The following RSPH3 variants were observed in gnomAD, a reference collection of about 807,000 sequenced individuals.
RSPH3 encodes radial spoke head 3, also known as radial spoke head protein 3 homolog.
In RSPH3, 21 loss-of-function variants were observed where a neutral mutation model predicts 43.8. The observed-to-expected ratio is 0.48, with a 90% CI of 0.34 to 0.69. The LOEUF is 0.69. Among genes scored for constraint, RSPH3 ranks in the 30% least tolerant of loss-of-function variants. The pLI is 0.01. For missense variants in RSPH3, 487 were observed against 516.0 expected (o/e 0.94, Z 0.54); for synonymous variants, 173 against 179.8 (o/e 0.96, Z 0.30).
At position 158,976,572 on chromosome 6, in the gene RSPH3, T is replaced by G. The variant is rs1777846011; in HGVS notation, c.*966A>C. On this transcript the variant is annotated 3_prime_UTR_variant, in exon 8 of 8. Coordinates refer to ENST00000367069, the MANE Select transcript of RSPH3 (RefSeq NM_031924.8). ...AGGAATACCTCAAAAAAGGCCTAGA[T>G]AGCTCATACCTGATAACAGTGATCT... 1.3e-5 allele frequency: 2 copies of G among 152,196 alleles called. No individual in the cohort carries two copies. Among genetic ancestry groups the G allele is most frequent in the South Asian group, 4.1e-4 (2 of 4,838 alleles). 9.4% of individuals were successfully genotyped at this position (152,196 alleles called of 1,614,324 possible). A position where few individuals can be genotyped will look rare whatever the true frequency, so the allele number is the denominator to read the frequency against.
Position 158,980,941 on chromosome 6 carries a change from C to T in RSPH3, c.697-5G>A. ...CTGCTGTTTCTTACGCCGTTCCTGCCAAGAACGACAGAGGTGGTTATTTAG... is the reference window on the plus strand; with the variant it reads ...CTGCTGTTTCTTACGCCGTTCCTGCTAAGAACGACAGAGGTGGTTATTTAG... On this transcript the variant is annotated splice_region_variant and splice_polypyrimidine_tract_variant and intron_variant, in intron 5 of 7. Transcript: ENST00000367069. 5.0e-6 allele frequency: 8 copies of T among 1,613,728 alleles called. No individual in the cohort carries two copies. The highest frequency in any genetic ancestry group is 6.8e-6 in the Non-Finnish European group (8 of 1,179,716).
At position 158,977,041 on chromosome 6, in the gene RSPH3, C is replaced by T. The variant is rs12203076; in HGVS notation, c.*497G>A. ...GTTGGTCTGGCTGGTCTCAAACTCC[C>T]GACCTCAGGGGATCTGCCAGCCTCA... On this transcript the variant is annotated 3_prime_UTR_variant, in exon 8 of 8. Transcript: ENST00000367069. 0.016 allele frequency: 2,522 copies of T among 153,552 alleles called. 31 individuals carry two copies. Among genetic ancestry groups the T allele is most frequent in the Middle Eastern group, 0.024 (7 of 296 alleles). The allele number at this position is 153,552 out of a possible 1,614,324, so 9.5% of individuals were successfully genotyped here.
Position 158,977,391 on chromosome 6 carries a change from C to T in RSPH3, c.*147G>A, listed in dbSNP as rs1372703657. The T allele has an allele frequency of 4.8e-6, 3 of 622,544 alleles. No homozygotes were observed. The highest frequency in any genetic ancestry group is 8.2e-6 in the Non-Finnish European group (3 of 363,952). The allele number at this position is 622,544 out of a possible 1,614,324, so 38.6% of individuals were successfully genotyped here. A position where few individuals can be genotyped will look rare whatever the true frequency, so the allele number is the denominator to read the frequency against. On this transcript the variant is annotated 3_prime_UTR_variant, in exon 8 of 8. Coordinates refer to ENST00000367069, the MANE Select transcript of RSPH3 (RefSeq NM_031924.8). ...AGTTTCATTCTCAAATTAATTTTATCACATTTGATTGGCCCAGTCCATTAC... is the reference window on the plus strand; with the variant it reads ...AGTTTCATTCTCAAATTAATTTTATTACATTTGATTGGCCCAGTCCATTAC...
chr6:158,989,024 T>G lies in RSPH3; in HGVS notation c.205-2603A>C, dbSNP rs1356172964. 6.6e-6 allele frequency among the ~76,000 whole-genome samples: 1 copy of G among 152,108 alleles called. No individual in the cohort carries two copies. Among genetic ancestry groups the G allele is most frequent in the Non-Finnish European group, 1.5e-5 (1 of 68,022 alleles). ...TAATCTGTCTGGCTTGTTTTGCTTT[T>G]TATTGGATATATTTTCTTAGAGTTT... On this transcript the variant is annotated intron_variant, in intron 2 of 7. Coordinates refer to ENST00000367069, the MANE Select transcript of RSPH3 (RefSeq NM_031924.8). The surrounding 1 kb of genome is among the most constrained non-coding windows in gnomAD (Gnocchi z 4.3).
At chr6:158,964,683 G>T in the RSPH3 span, among the ~76,000 whole-genome samples, 11 of 152,004 alleles carry the variant, frequency 7.2e-5, no homozygotes, top group African/African-American at 2.7e-4. Flanking sequence ...TTTTATTGTC[G>T]AGTTGTAATT....
chr6:158,990,371 G>A (rs934525731), intron 2 of RSPH3: 3 of 152,104 alleles, frequency 2.0e-5, no homozygotes, highest in Admixed American at 1.3e-4. Context: ...CCTTCAACTT[G>A]AGCTTTAGAA....
chr6:158,980,326 G>A (rs998075779), intron 6 of RSPH3, among the ~76,000 whole-genome samples: 2 of 152,104 alleles, frequency 1.3e-5, no homozygotes, highest in African/African-American at 4.8e-5. Flanking sequence ...TACTCGGAAG[G>A]CCGAGGCAGG....
downstream of RSPH3, among the ~76,000 whole-genome samples, chr6:158,971,714 T>C (rs1422679117): frequency 6.6e-6 from 1 of 152,226 alleles, no homozygotes; most frequent in Admixed American, 6.5e-5. Context: ...GCAAAGTCTG[T>C]TGACTTCGTG....
chr6:158,983,866 G>C lies in RSPH3; in HGVS notation c.347-59C>G. The C allele has an allele frequency of 1.6e-6, 2 of 1,228,258 alleles. 1 individual carries two copies. The highest frequency in any genetic ancestry group is 3.5e-5 in the Admixed American group (2 of 57,618). 76.1% of individuals were successfully genotyped at this position (1,228,258 alleles called of 1,614,324 possible). ...TTCTGGTCTAAGGCCAGGCATGGTA[G>C]TTCATGCCCATAATCCCAGCACTTT... is the stretch of plus-strand genomic sequence containing the variant. On this transcript the variant is annotated intron_variant, in intron 3 of 7. Coordinates refer to ENST00000367069, the MANE Select transcript of RSPH3 (RefSeq NM_031924.8).
chr6:158,980,787 A>G lies in RSPH3; in HGVS notation c.846T>C (p.Asp282=). 1 of 1,613,756 alleles carries G rather than the reference A, an allele frequency of 6.2e-7. No homozygotes were observed. The highest frequency in any genetic ancestry group is 1.1e-5 in the South Asian group (1 of 91,058). ...ATATCTACAAACCTCTTTCAATGGGATCATAAAAGTAGCCACTATCCCTGA... is the reference window on the plus strand; with the variant it reads ...ATATCTACAAACCTCTTTCAATGGGGTCATAAAAGTAGCCACTATCCCTGA... ...GSLRDSGYFY[D]PIERDIEIGF... Residue 282 remains aspartate, a synonymous_variant, in exon 6 of 8, where the codon GAT becomes GAC. Transcript: ENST00000367069.
intron 1 of RSPH3, among the ~76,000 whole-genome samples, chr6:158,999,162 T>G (rs1178681846): frequency 6.6e-6 from 1 of 152,172 alleles, no homozygotes; most frequent in African/African-American, 2.4e-5. Flanking sequence ...ACTGGTACAA[T>G]TCAAACTTTG....
At chr6:158,988,897 T>G (rs1484111737) in intron 2 of RSPH3, among the ~76,000 whole-genome samples, 1 of 152,164 alleles carries the variant, frequency 6.6e-6, no homozygotes, top group Non-Finnish European at 1.5e-5. Context: ...AGTTACTGAT[T>G]CCTTGCTTTG....
intron 2 of RSPH3, among the ~76,000 whole-genome samples, chr6:158,992,746 A>G (rs1187121653): frequency 6.6e-6 from 1 of 152,138 alleles, no homozygotes; most frequent in Admixed American, 6.5e-5. Flanking sequence ...AGGCACTTAC[A>G]TGTCATATAC....
downstream of RSPH3, among the ~76,000 whole-genome samples, chr6:158,970,528 G>A (rs865864404): frequency 2.0e-4 from 30 of 151,572 alleles, no homozygotes; most frequent in South Asian, 6.3e-4. Context: ...GTAGTTTCCC[G>A]AGAATGTCAA....
chr6:158,999,982 AGGCCTGCGGGGCAAC>A lies in RSPH3; in HGVS notation c.-447_-433del, dbSNP rs1562571053. 6.3e-7 allele frequency: 1 copy of A among 1,575,130 alleles called. No individual in the cohort carries two copies. The highest frequency in any genetic ancestry group is 1.2e-5 in the South Asian group (1 of 85,948). ...TTGGCTGGCTTGACCGTCATCCTTG[AGGCCTGCGGGGCAAC>A]GGTGGCTGTCCTTGGCCCGGCTTTG... On this transcript the variant is annotated 5_prime_UTR_variant, in exon 1 of 8. Coordinates refer to ENST00000367069, the MANE Select transcript of RSPH3 (RefSeq NM_031924.8).
At chr6:158,978,872 G>A (rs773464186) in intron 6 of RSPH3, among the ~76,000 whole-genome samples, 2 of 152,184 alleles carry the variant, frequency 1.3e-5, no homozygotes, top group Non-Finnish European at 2.9e-5. Context: ...CTTCCTTGGA[G>A]TCAAGGCATT....
chr6:158,963,473 CTCCCTTCCCT>C, the RSPH3 span, among the ~76,000 whole-genome samples: 7 of 124,768 alleles, frequency 5.6e-5, no homozygotes, highest in Admixed American at 4.1e-4. Context: ...CTCCCCTCCT[CTCCCTTCCCT>C]TCCCTTCCCT....
chr6:158,998,296 A>C (rs9347281), intron 1 of RSPH3, among the ~76,000 whole-genome samples: 1 of 112,660 alleles, frequency 8.9e-6, no homozygotes, highest in Non-Finnish European at 1.8e-5. Flanking sequence ...CTAAAAAAAT[A>C]CAAAAAAAAA....
intron 6 of RSPH3, among the ~76,000 whole-genome samples, chr6:158,978,601 C>A (rs1274988119): frequency 1.3e-5 from 2 of 151,974 alleles, no homozygotes; most frequent in Non-Finnish European, 2.9e-5. Context: ...AGTGCGGTGG[C>A]GCGATCTCTG....
Sources: allele counts gnomAD v4.1 joint callset (sites outside exome capture counted in the v4.1 genomes callset), GRCh38; gene constraint gnomAD v4.1.1; non-coding constraint Gnocchi (gnomAD v3.1); transcripts MANE v1.5; gene names NCBI Gene and HGNC (gene_info 2026-07-23, HGNC 2026-07-21).